The following RTTN variants were observed in gnomAD, a reference collection of about 807,000 sequenced individuals.
RTTN encodes rotatin.
In RTTN, 182 loss-of-function variants were observed where a neutral mutation model predicts 269.2. That is an observed-to-expected ratio of 0.68 (90% CI 0.60 to 0.76). RTTN has a LOEUF of 0.76. Among genes scored for constraint, RTTN ranks in the 30% least tolerant of loss-of-function variants. The pLI is 0.00. For synonymous variants in RTTN, 1,006 were observed against 963.5 expected (o/e 1.04, Z -0.82); for missense variants, 2,545 against 2,608.6 (o/e 0.98, Z 0.53).
At chr18:70,192,673 A>T (rs2061702119) in intron 8 of RTTN, among the ~76,000 whole-genome samples, 1 of 150,086 alleles carries the variant, frequency 6.7e-6, no homozygotes, top group South Asian at 2.1e-4. Flanking sequence ...TTGTCTCAAA[A>T]AAAAAAAAAA....
chr18:70,112,212 T>C (rs1568401598), intron 27 of RTTN, among the ~76,000 whole-genome samples: 1 of 152,082 alleles, frequency 6.6e-6, no homozygotes, highest in Non-Finnish European at 1.5e-5. Flanking sequence ...TACCAAATTG[T>C]AAAGAACATC....
At chr18:70,020,578 T>C (rs1024074792) in intron 45 of RTTN, 37 bp downstream of exon 45, 1 of 1,487,748 alleles carries the variant, frequency 6.7e-7, no homozygotes. Context: ...TTTCACTGAG[T>C]ACCCTTTTAA....
intron 40 of RTTN, 33 bp downstream of exon 40, chr18:70,047,934 CTAAA>C (rs1568294815): frequency 3.3e-6 from 5 of 1,507,670 alleles, no homozygotes; most frequent in Non-Finnish European, 4.6e-6. Context: ...TATTTAAACG[CTAAA>C]TAAAGTTTTT....
chr18:70,065,684 T>C (rs2058113487), intron 35 of RTTN, 145 bp downstream of exon 35: 1 of 451,474 alleles, frequency 2.2e-6, no homozygotes, highest in Non-Finnish European at 4.0e-6. Context: ...TAATTTCTGA[T>C]ATATTGGTTC....
At chr18:70,130,217 T>C (rs558153452) in intron 23 of RTTN, 1 of 152,030 alleles carries the variant, frequency 6.6e-6, no homozygotes, top group Non-Finnish European at 1.5e-5. Flanking sequence ...GGAAACAGTA[T>C]GGAGTTCCTC....
intron 40 of RTTN, among the ~76,000 whole-genome samples, chr18:70,047,615 G>C (rs535696117): frequency 6.6e-6 from 1 of 152,150 alleles, no homozygotes; most frequent in Non-Finnish European, 1.5e-5. Context: ...TTTCAGAGAC[G>C]TAGATATATC....
chr18:70,131,251 C>A, intron 23 of RTTN: 1 of 144,830 alleles, frequency 6.9e-6, no homozygotes, highest in East Asian at 2.1e-4. Context: ...GCAGAAAAAC[C>A]AAAAAAGCAA....
intron 40 of RTTN, among the ~76,000 whole-genome samples, chr18:70,039,459 G>A (rs72959829): frequency 0.033 from 5,067 of 151,406 alleles, 119 homozygotes; most frequent in Middle Eastern, 0.095. Flanking sequence ...TAGTACATAC[G>A]ATGAAACTAT....
rs187658749 is a variant in RTTN, at chr18:70,177,050, A to T, written c.1306-205T>A. On this transcript the variant is annotated intron_variant, in intron 10 of 48. Transcript: ENST00000640769. ...AAGAATGATAAACCACCTACATTTT[A>T]AAAATACAATAATCTTTTAAGTATT... Among the ~76,000 whole-genome samples the T allele has an allele frequency of 5.0e-3, 765 of 152,360 alleles. 5 individuals are homozygous for T. The highest frequency in any genetic ancestry group is 0.017 in the African/African-American group (725 of 41,580).
intron 46 of RTTN, among the ~76,000 whole-genome samples, chr18:70,014,883 C>T (rs2056493472): frequency 6.6e-6 from 1 of 152,136 alleles, no homozygotes; most frequent in Non-Finnish European, 1.5e-5. Flanking sequence ...TTGGCAAATG[C>T]ACTTGGGGCA....
chr18:70,177,857 C>T (rs1445908045), intron 10 of RTTN, among the ~76,000 whole-genome samples: 2 of 152,118 alleles, frequency 1.3e-5, no homozygotes, highest in African/African-American at 2.4e-5. Context: ...GGTGCAGCCA[C>T]TGTGGAAAAT....
chr18:70,079,488 G>A (rs1221070191), intron 32 of RTTN, among the ~76,000 whole-genome samples: 1 of 152,034 alleles, frequency 6.6e-6, no homozygotes, highest in East Asian at 1.9e-4. Context: ...GAACAATGAA[G>A]TCTTTCATGC....
At chr18:70,125,401 T>C (rs1013609283) in intron 25 of RTTN, among the ~76,000 whole-genome samples, 6 of 152,038 alleles carry the variant, frequency 3.9e-5, no homozygotes, top group African/African-American at 1.4e-4. Flanking sequence ...TTTCAAAATA[T>C]CTGAGCAAAG....
chr18:70,186,906 A>G (rs535396175), intron 10 of RTTN, among the ~76,000 whole-genome samples: 2 of 152,314 alleles, frequency 1.3e-5, no homozygotes, highest in Non-Finnish European at 1.5e-5. Context: ...AAAATTACCT[A>G]TCGGGTACTA....
intron 15 of RTTN, 159 bp from the exon 16 acceptor site, chr18:70,150,246 CTG>C: frequency 1.7e-6 from 1 of 605,744 alleles, no homozygotes; most frequent in South Asian, 2.1e-5. Flanking sequence ...ACATTCTGTT[CTG>C]TTTTTCTTCC....
At chr18:70,170,301 C>T (rs1451350135) in intron 11 of RTTN, among the ~76,000 whole-genome samples, 13 of 152,194 alleles carry the variant, frequency 8.5e-5, no homozygotes, top group Admixed American at 4.6e-4. Flanking sequence ...CCGCATGAAG[C>T]TCACATCCCA....
At chr18:70,033,781 C>A (rs994113518) in intron 40 of RTTN, among the ~76,000 whole-genome samples, 5 of 151,570 alleles carry the variant, frequency 3.3e-5, no homozygotes, top group African/African-American at 1.2e-4. Context: ...AAGTGAGGAG[C>A]CAGTTTTTTG....
chr18:70,003,184 G>A lies in RTTN; in HGVS notation c.*967C>T, dbSNP rs1219070265. 1 of 151,750 alleles carries A rather than the reference G, an allele frequency of 6.6e-6. No individual in the cohort carries two copies. 9.4% of individuals were successfully genotyped at this position (151,750 alleles called of 1,614,324 possible). A position where few individuals can be genotyped will look rare whatever the true frequency, so the allele number is the denominator to read the frequency against. ...CACTGGAGTAGCTGAGATTATAGAC[G>A]CTCAAGACCAGGAATGGCTAATTTT... is the stretch of plus-strand genomic sequence containing the variant. On this transcript the variant is annotated 3_prime_UTR_variant, in exon 49 of 49. Transcript: ENST00000640769.
At chr18:70,062,988 T>G (rs183966817) in intron 35 of RTTN, among the ~76,000 whole-genome samples, 133 of 152,304 alleles carry the variant, frequency 8.7e-4, no homozygotes, top group Non-Finnish European at 1.6e-3. Context: ...TTGTTATATA[T>G]CTATCAAAAA....
Sources: gnomAD v4.1 joint callset for allele counts (sites outside exome capture counted in the v4.1 genomes callset) on GRCh38, gnomAD v4.1.1 for gene constraint, MANE v1.5 for transcripts, NCBI Gene and HGNC (gene_info 2026-07-23, HGNC 2026-07-21) for gene names.